Variants in KIF1B observed in about 807,000 individuals in gnomAD.
KIF1B encodes the protein kinesin family member 1B, also known as kinesin-like protein KIF1B.
Under a neutral mutation model 241.9 loss-of-function variants are expected in KIF1B, and 76 were observed. The ratio of observed to expected loss-of-function variants is 0.31; its 90% CI spans 0.26 to 0.38. The LOEUF is 0.38. KIF1B is among the 10% of genes least tolerant of loss of function. The pLI, the probability that KIF1B is intolerant of heterozygous loss-of-function variation, is 1.00. For missense variants in KIF1B, 1,622 were observed against 2,271.4 expected, an observed-to-expected ratio of 0.71 and a Z score of 5.81; for synonymous variants, 750 against 796.7, an observed-to-expected ratio of 0.94 and a Z score of 0.99.
intron 2 of KIF1B, among the ~76,000 whole-genome samples, chr1:10,233,400 G>C (rs1327195238): frequency 6.6e-6 from 1 of 152,106 alleles, no homozygotes; most frequent in Non-Finnish European, 1.5e-5. Context: ...AGGATTACTT[G>C]AGTCCAGGAG....
In KIF1B at chr1:10,254,141, TA is replaced by T. The variant is rs566736938; in HGVS notation, c.107-2105del. ...ATATGAGGAGCTAAAGCTTTGTGTG[TA>T]TGAGTGAGGGAGAAAGATTAAGCTT... is the stretch of plus-strand genomic sequence containing the variant. On this transcript the variant is annotated intron_variant, in intron 2 of 48. Transcript: ENST00000676179. Among the ~76,000 whole-genome samples, 786 of 152,336 alleles carry T rather than the reference TA, an allele frequency of 5.2e-3. 6 individuals are homozygous for T. The highest frequency in any genetic ancestry group is 8.3e-3 in the Non-Finnish European group (567 of 68,022).
chr1:10,234,155 G>C (rs981041287), intron 2 of KIF1B, among the ~76,000 whole-genome samples: 2 of 151,846 alleles, frequency 1.3e-5, no homozygotes, highest in Non-Finnish European at 2.9e-5. Flanking sequence ...CAAGTTTGCT[G>C]TAATGTTAGG....
chr1:10,295,761 G>A lies in KIF1B; in HGVS notation c.1772G>A (p.Gly591Glu). ...TTCCGGAGTGAGAGAAGCAACAGCG[G>A]GGAAGGTGAGCATTCCTGGCTGGAG... ...CIFRSERSNS[G>E]EVIVTLEPCE... Residue 591 changes from glycine to glutamate, a missense_variant, in exon 19 of 49, where the codon GGG becomes GAG. Physicochemically the swap from Gly to Glu is moderately conservative, Grantham distance 98. Coordinates refer to ENST00000676179, the MANE Select transcript of KIF1B (RefSeq NM_001365951.3). The A allele has an allele frequency of 6.2e-7, 1 of 1,612,252 alleles. No individual in the cohort carries two copies. Among genetic ancestry groups the A allele is most frequent in the Non-Finnish European group, 8.5e-7 (1 of 1,178,610 alleles).
At chr1:10,304,409 C>T (rs754088824) in intron 22 of KIF1B, 45 of 1,613,966 alleles carry the variant, frequency 2.8e-5, no homozygotes, top group Non-Finnish European at 3.6e-5. Flanking sequence ...TCATTAAACT[C>T]CCACAGTGGT....
chr1:10,264,019 T>C (rs1648306004), intron 5 of KIF1B, among the ~76,000 whole-genome samples: 2 of 152,240 alleles, frequency 1.3e-5, no homozygotes, highest in South Asian at 4.1e-4. Context: ...TGACTAAGTT[T>C]CTCACGTTCT....
chr1:10,334,149 CAAA>C (rs372716443), intron 27 of KIF1B, among the ~76,000 whole-genome samples: 4 of 82,928 alleles, frequency 4.8e-5, no homozygotes, highest in Non-Finnish European at 9.3e-5. Context: ...GACTCTGTCT[CAAA>C]AAAAAAAAAA....
intron 1 of KIF1B, among the ~76,000 whole-genome samples, chr1:10,217,343 CTTTTTT>C (rs769372780): frequency 7.6e-6 from 1 of 131,990 alleles, no homozygotes; most frequent in Admixed American, 8.0e-5. Context: ...CTTTCTTTTT[CTTTTTT>C]TTTTTTTTTT....
chr1:10,379,231 T>C lies in KIF1B; in HGVS notation c.*2644T>C, dbSNP rs2102369268. On this transcript the variant is annotated 3_prime_UTR_variant, in exon 49 of 49. Transcript: ENST00000676179. ...TTATGTGATACACTGAAATGACTTT[T>C]GTTTTTCTTCTAACTCATACAAAAC... is the stretch of plus-strand genomic sequence containing the variant. 4.3e-6 allele frequency: 1 copy of C among 232,318 alleles called. No individual in the cohort carries two copies. The highest frequency in any genetic ancestry group is 8.5e-6 in the Non-Finnish European group (1 of 117,168). 14.4% of individuals were successfully genotyped at this position (232,318 alleles called of 1,614,324 possible). A position where few individuals can be genotyped will look rare whatever the true frequency, so the allele number is the denominator to read the frequency against.
chr1:10,358,698 A>C (rs997144638), intron 38 of KIF1B, among the ~76,000 whole-genome samples: 2 of 151,744 alleles, frequency 1.3e-5, no homozygotes, highest in Non-Finnish European at 2.9e-5. Context: ...AAAAAAAAAA[A>C]AAACAGATCT....
At chr1:10,343,334 A>G (rs1652469858) in intron 34 of KIF1B, 47 bp downstream of exon 34, 3 of 1,563,242 alleles carry the variant, frequency 1.9e-6, no homozygotes, top group Non-Finnish European at 2.6e-6. Context: ...TTGTGAATAC[A>G]TGTCTTATTC....
At chr1:10,320,007 C>G in intron 22 of KIF1B, 36 bp from the exon 23 acceptor site, 1 of 1,376,892 alleles carries the variant, frequency 7.3e-7, no homozygotes, top group Non-Finnish European at 1.0e-6. Context: ...TTATTTCTTC[C>G]CTCTCCTACA....
chr1:10,341,631 A>G (rs1004035858), intron 32 of KIF1B, among the ~76,000 whole-genome samples: 6 of 152,126 alleles, frequency 3.9e-5, no homozygotes, highest in African/African-American at 1.4e-4. Flanking sequence ...TTTTGTTGCA[A>G]GAGTCCTGCA....
At chr1:10,249,281 A>G (rs745485244) in intron 2 of KIF1B, among the ~76,000 whole-genome samples, 3 of 152,212 alleles carry the variant, frequency 2.0e-5, no homozygotes, top group Non-Finnish European at 4.4e-5. Context: ...CCTTGATACA[A>G]GAACTGCTGT....
Position 10,221,755 on chromosome 1 carries a change from G to A in KIF1B, c.-79-10495G>A, listed in dbSNP as rs192370822. On this transcript the variant is annotated intron_variant, in intron 1 of 48. Coordinates refer to ENST00000676179, the MANE Select transcript of KIF1B (RefSeq NM_001365951.3). The stretch of plus-strand genomic sequence containing the variant: ...TTTAAAATGTAATTCAGAGGAAAAT[G>A]TTATATTTTAAATAGCTACTTGTTT... 4.8e-4 allele frequency among the ~76,000 whole-genome samples: 73 copies of A among 152,260 alleles called. 1 individual carries two copies. Among genetic ancestry groups the A allele is most frequent in the African/African-American group, 1.7e-3 (71 of 41,558 alleles).
rs756796583 is a variant in KIF1B, at chr1:10,337,132, T to C, written c.3188T>C (p.Ile1063Thr). Residue 1063 changes from isoleucine (I) to threonine (T), a missense_variant, in exon 30 of 49, where the codon ATT becomes ACT. Ile to Thr is a moderately conservative substitution (Grantham distance 89). Around this residue, in one of 7 missense-constraint regions of KIF1B, gnomAD observed 803 missense variants for 1,112.0 expected, o/e 0.72. Coordinates refer to ENST00000676179, the MANE Select transcript of KIF1B (RefSeq NM_001365951.3). This position sits in a 1 kb window ranked among gnomAD's most constrained non-coding sequence, Gnocchi z 4.0. The part of the protein sequence containing the change: ...RSGLSLEELR[I>T]VEGQGQSSEV... ...GGTCTGTCCTTGGAGGAGTTGAGGA[T>C]TGTGGAAGGACAGGGTCAGAGTTCT... 1.2e-6 allele frequency: 2 copies of C among 1,614,124 alleles called. No homozygotes were observed. Among genetic ancestry groups the C allele is most frequent in the Non-Finnish European group, 8.5e-7 (1 of 1,180,018 alleles).
In KIF1B at chr1:10,264,511, A is replaced by G. The variant is rs565860381; in HGVS notation, c.429+2541A>G. 6.4e-4 allele frequency among the ~76,000 whole-genome samples: 98 copies of G among 152,354 alleles called. 3 individuals carry two copies. The South Asian group carries it at 0.02, about 31-fold the overall frequency. On this transcript the variant is annotated intron_variant, in intron 5 of 48. Transcript: ENST00000676179. ...GTACGAGTGTTCCAAAAGATGTAAT[A>G]TATTCCGGGGATTCAGTATTGTATG...
chr1:10,340,699 C>T (rs753180154), intron 32 of KIF1B, among the ~76,000 whole-genome samples: 1 of 152,112 alleles, frequency 6.6e-6, no homozygotes, highest in South Asian at 2.1e-4. Flanking sequence ...TTGCTTGAAC[C>T]CAGGATGGGG....
At chr1:10,268,331 C>A in intron 7 of KIF1B, 68 bp downstream of exon 7, 1 of 1,060,622 alleles carries the variant, frequency 9.4e-7, no homozygotes, top group Non-Finnish European at 1.5e-6. Flanking sequence ...CCTTTTGTTG[C>A]CCTCTGCTTT....
chr1:10,218,073 A>G (rs1447300065), intron 1 of KIF1B, among the ~76,000 whole-genome samples: 1 of 152,114 alleles, frequency 6.6e-6, no homozygotes, highest in Non-Finnish European at 1.5e-5. Context: ...TCCTTCCAAT[A>G]AAATCCTTCA....
Sources: allele counts gnomAD v4.1 joint callset (sites outside exome capture counted in the v4.1 genomes callset), GRCh38; gene constraint gnomAD v4.1.1; regional missense constraint gnomAD v4.1.1; non-coding constraint Gnocchi (gnomAD v3.1); transcripts MANE v1.5; gene names NCBI Gene and HGNC (gene_info 2026-07-23, HGNC 2026-07-21).